COL11A1: variants seen among roughly 807,000 people sequenced by gnomAD.
COL11A1 encodes collagen type XI alpha 1 chain.
Under a neutral mutation model 265.2 loss-of-function variants are expected in COL11A1, and 74 were observed. That is an observed-to-expected ratio of 0.28 (90% CI 0.23 to 0.34). The LOEUF is 0.34. COL11A1 is among the 10% of genes least tolerant of loss of function. COL11A1 has a pLI of 1.00. For synonymous variants in COL11A1, 816 were observed against 727.6 expected (o/e 1.12, Z -1.96); for missense variants, 2,165 against 2,263.6 (o/e 0.96, Z 0.88).
chr1:102,933,871 C>T (rs1657838672), intron 46 of COL11A1, among the ~76,000 whole-genome samples: 1 of 152,174 alleles, frequency 6.6e-6, no homozygotes, highest in Admixed American at 6.5e-5. Flanking sequence ...GTCCGTCACC[C>T]CTTTCTTTGA....
Position 102,915,701 on chromosome 1 carries a change from A to G in COL11A1, c.3763-17T>C. On this transcript the variant is annotated splice_polypyrimidine_tract_variant and intron_variant, in intron 49 of 66. Coordinates refer to ENST00000370096, the MANE Select transcript of COL11A1 (RefSeq NM_001854.4). ...AGGTTCACCCTATATAGAGAAGATCAAATTAGTATTAGAATACAGAGATGA... is the reference window on the plus strand; with the variant it reads ...AGGTTCACCCTATATAGAGAAGATCGAATTAGTATTAGAATACAGAGATGA... 1.9e-6 allele frequency: 3 copies of G among 1,585,058 alleles called. No individual in the cohort carries two copies. Among genetic ancestry groups the G allele is most frequent in the Non-Finnish European group, 2.6e-6 (3 of 1,154,082 alleles).
At chr1:103,044,638 G>C (rs1162344278) in intron 4 of COL11A1, among the ~76,000 whole-genome samples, 1 of 152,078 alleles carries the variant, frequency 6.6e-6, no homozygotes, top group Non-Finnish European at 1.5e-5. Context: ...TTATAAAAAG[G>C]TAACAGATCT....
Position 103,082,824 on chromosome 1 carries a change from T to TG in COL11A1, c.254dup (p.Thr86AsnfsTer35). 1 of 1,613,394 alleles carries TG rather than the reference T, an allele frequency of 6.2e-7. No homozygotes were observed. The highest frequency in any genetic ancestry group is 8.5e-7 in the Non-Finnish European group (1 of 1,179,494). ...ATATACCTGGAAATAACTGTTTTGT[T>TG]GGGGCACTGAGTTGTGCTTGCTTTG... On this transcript the variant is annotated frameshift_variant, in exon 2 of 67. Transcript: ENST00000370096. LOFTEE classifies it high-confidence loss of function.
chr1:103,053,573 G>T (rs1308181670), intron 4 of COL11A1, among the ~76,000 whole-genome samples: 1 of 152,140 alleles, frequency 6.6e-6, no homozygotes, highest in Non-Finnish European at 1.5e-5. Flanking sequence ...TCAGTGTGCA[G>T]CAATAAAGAA....
chr1:102,978,134 T>C (rs1254761538), intron 35 of COL11A1, among the ~76,000 whole-genome samples: 1 of 152,166 alleles, frequency 6.6e-6, no homozygotes, highest in Non-Finnish European at 1.5e-5. Flanking sequence ...TTTTTAAAAA[T>C]CTGGCTACAA....
chr1:102,985,127 C>A (rs1422553420), intron 30 of COL11A1, among the ~76,000 whole-genome samples: 1 of 151,896 alleles, frequency 6.6e-6, no homozygotes, highest in East Asian at 1.9e-4. Flanking sequence ...AAGCACACTT[C>A]ATTTATAAAA....
chr1:102,979,659 C>T, intron 31 of COL11A1: 1 of 614,022 alleles, frequency 1.6e-6, no homozygotes, highest in Non-Finnish European at 2.9e-6. Flanking sequence ...TAGTTTTTAA[C>T]CTTCTGAGTA....
rs1017327361 is a variant in COL11A1, at chr1:103,019,841, T to A, written c.1309-982A>T. Among the ~76,000 whole-genome samples, 4 of 150,740 alleles carry A rather than the reference T, an allele frequency of 2.7e-5. No individual in the cohort carries two copies. In the East Asian group the frequency reaches 7.9e-4, roughly 30 times the overall value. ...CCTATGAGTGAGAATACGCAGTGTT[T>A]GGTTTTTTGTTCTTGTGATAGTTTA... is the stretch of plus-strand genomic sequence containing the variant. On this transcript the variant is annotated intron_variant, in intron 9 of 66. Transcript: ENST00000370096.
intron 41 of COL11A1, among the ~76,000 whole-genome samples, chr1:102,956,608 A>G (rs1407632219): frequency 6.6e-6 from 1 of 152,098 alleles, no homozygotes; most frequent in Non-Finnish European, 1.5e-5. Context: ...ATGCATACCA[A>G]GACCAAGGAT....
intron 41 of COL11A1, among the ~76,000 whole-genome samples, chr1:102,959,011 C>T (rs1454652325): frequency 6.6e-6 from 1 of 152,160 alleles, no homozygotes; most frequent in Non-Finnish European, 1.5e-5. Context: ...CTCGCCCCCT[C>T]CGTGTTTGCT....
chr1:102,882,230 T>G (rs1352582422), intron 64 of COL11A1, among the ~76,000 whole-genome samples: 1 of 152,188 alleles, frequency 6.6e-6, no homozygotes, highest in African/African-American at 2.4e-5. Context: ...GGAAGCAACC[T>G]GAATTACTCC....
chr1:102,930,032 T>G (rs1159365484), intron 46 of COL11A1, among the ~76,000 whole-genome samples: 2 of 152,204 alleles, frequency 1.3e-5, no homozygotes, highest in Admixed American at 1.3e-4. Context: ...TCATGTCATC[T>G]GCAAACAGGG....
chr1:103,035,269 T>C (rs1344055063), intron 4 of COL11A1, among the ~76,000 whole-genome samples: 1 of 152,042 alleles, frequency 6.6e-6, no homozygotes, highest in Non-Finnish European at 1.5e-5. Flanking sequence ...TAAATCTTCT[T>C]TTTAGTGTTT....
chr1:103,037,714 C>T (rs1163934527), intron 4 of COL11A1, among the ~76,000 whole-genome samples: 1 of 152,152 alleles, frequency 6.6e-6, no homozygotes, highest in Non-Finnish European at 1.5e-5. Context: ...GGTGACTGCA[C>T]AATTCCACAA....
chr1:103,068,378 C>A (rs937801175), intron 4 of COL11A1, among the ~76,000 whole-genome samples: 4 of 151,300 alleles, frequency 2.6e-5, no homozygotes, highest in Non-Finnish European at 5.9e-5. Context: ...GTAGAAAAAG[C>A]GTTTTATAAA....
Position 102,984,205 on chromosome 1 carries a change from A to G in COL11A1, c.2503-14T>C, listed in dbSNP as rs779750281. On this transcript the variant is annotated splice_polypyrimidine_tract_variant and intron_variant, in intron 30 of 66. Coordinates refer to ENST00000370096, the MANE Select transcript of COL11A1 (RefSeq NM_001854.4). ...TCCAAGTTTTCCCTACAGTTAAAAT[A>G]TATAATAATCAAAGTAATATTTTAA... The G allele has an allele frequency of 6.6e-7, 1 of 1,524,916 alleles. No homozygotes were observed. The highest frequency in any genetic ancestry group is 9.0e-7 in the Non-Finnish European group (1 of 1,106,998). 94.5% of individuals were successfully genotyped at this position (1,524,916 alleles called of 1,614,324 possible).
chr1:103,091,626 G>A (rs1673330972), intron 1 of COL11A1, among the ~76,000 whole-genome samples: 1 of 152,006 alleles, frequency 6.6e-6, no homozygotes, highest in South Asian at 2.1e-4. Flanking sequence ...ATATTATTTA[G>A]AGTTCAATTT....
Position 103,022,999 on chromosome 1 carries a change from A to G in COL11A1, c.991-3T>C, listed in dbSNP as rs371484283. 2 of 1,610,546 alleles carry G rather than the reference A, an allele frequency of 1.2e-6. No individual in the cohort carries two copies. The highest frequency in any genetic ancestry group is 1.1e-5 in the South Asian group (1 of 91,024). On this transcript the variant is annotated splice_polypyrimidine_tract_variant and splice_region_variant and intron_variant, in intron 7 of 66. Transcript: ENST00000370096. Reference sequence around the variant, plus strand: ...AATATTTCTTCAACTGGATTTGGCTATTAATTTAAATTGCAAGGAATTGAG... The same window carrying G: ...AATATTTCTTCAACTGGATTTGGCTGTTAATTTAAATTGCAAGGAATTGAG...
intron 54 of COL11A1, among the ~76,000 whole-genome samples, chr1:102,905,307 G>T (rs1389291544): frequency 2.0e-5 from 3 of 150,306 alleles, no homozygotes; most frequent in Admixed American, 6.6e-5. Flanking sequence ...ACACCAACAT[G>T]GCACATGTAT....
Sources: gnomAD v4.1 joint callset for allele counts (sites outside exome capture counted in the v4.1 genomes callset) on GRCh38, gnomAD v4.1.1 for gene constraint, MANE v1.5 for transcripts, NCBI Gene and HGNC (gene_info 2026-07-23, HGNC 2026-07-21) for gene names.